Variants in P2RX5 observed in about 807,000 individuals in gnomAD.
The protein encoded by P2RX5 is P2X purinoceptor 5.
Under a neutral mutation model 54.1 loss-of-function variants are expected in P2RX5, and 46 were observed. That is an observed-to-expected ratio of 0.85 (90% confidence interval 0.67 to 1.09). The LOEUF (loss-of-function observed/expected upper bound fraction) is 1.09, where lower values mean the gene tolerates loss of function less well. Among genes scored for constraint, P2RX5 ranks in the 50% least tolerant of loss-of-function variants. The pLI, the probability that P2RX5 is intolerant of heterozygous loss-of-function variation, is 0.00. For missense variants in P2RX5, 566 were observed against 549.8 expected (o/e 1.03, Z -0.29); for synonymous variants, 226 against 226.4 (o/e 1.00, Z 0.02).
chr17:3,688,159 A>G, intron 8 of P2RX5, 54 bp from the exon 9 acceptor site: 1 of 950,886 alleles, frequency 1.1e-6, no homozygotes, highest in Non-Finnish European at 1.7e-6. Context: ...TTCCCTCTTT[A>G]GGCAGCACTG....
chr17:3,708,624 C>T, the P2RX5 span, among the ~76,000 whole-genome samples: 1 of 152,186 alleles, frequency 6.6e-6, no homozygotes, highest in Non-Finnish European at 1.5e-5. Flanking sequence ...GTGGTCCGGT[C>T]TTTCTGGAAA....
At chr17:3,681,031 GTCCTCCACCCAGCGTCCTCCACCCTGCA>G (rs1434446888) in intron 10 of P2RX5, among the ~76,000 whole-genome samples, 115 of 107,770 alleles carry the variant, frequency 1.1e-3, no homozygotes, top group South Asian at 7.6e-3. Context: ...TCCACCCTGC[GTCCTCCACCCAGCGTCCTCCACCCTGCA>G]TCCTCCACCC....
intron 9 of P2RX5, among the ~76,000 whole-genome samples, chr17:3,685,144 C>G (rs2050404955): frequency 6.6e-6 from 1 of 152,154 alleles, no homozygotes; most frequent in African/African-American, 2.4e-5. Context: ...TGCGCCCGGC[C>G]TAATCCTGCC....
the P2RX5 span, among the ~76,000 whole-genome samples, chr17:3,719,249 AAAAAAAAG>A: frequency 1.6e-4 from 24 of 146,282 alleles, no homozygotes; most frequent in African/African-American, 5.8e-4. Flanking sequence ...AAAAAAAAAA[AAAAAAAAG>A]AAAAGAAAAG....
the P2RX5 span, among the ~76,000 whole-genome samples, chr17:3,705,185 A>G: frequency 6.6e-6 from 1 of 152,130 alleles, no homozygotes; most frequent in Non-Finnish European, 1.5e-5. Context: ...TCCACTCCCA[A>G]GTTCCAGGAC....
the P2RX5 span, among the ~76,000 whole-genome samples, chr17:3,711,679 C>T: frequency 1.3e-5 from 2 of 151,166 alleles, no homozygotes; most frequent in Admixed American, 6.6e-5. Flanking sequence ...CCACTGCGCC[C>T]GGCCTCATTA....
intron 1 of P2RX5, among the ~76,000 whole-genome samples, chr17:3,694,398 G>C (rs1282566333): frequency 6.6e-6 from 1 of 152,050 alleles, no homozygotes; most frequent in Non-Finnish European, 1.5e-5. Flanking sequence ...TAGAAACAGG[G>C]TTTCTCCATG....
chr17:3,692,669 C>A (rs2050650740), intron 1 of P2RX5, among the ~76,000 whole-genome samples: 1 of 151,972 alleles, frequency 6.6e-6, no homozygotes, highest in South Asian at 2.1e-4. Flanking sequence ...CAGTGAGACC[C>A]CATCTCTATG....
rs1180606844 is a variant in P2RX5, at chr17:3,689,562, TA to T, written c.682del (p.Tyr228ThrfsTer10). On this transcript the variant is annotated frameshift_variant, in exon 7 of 12. Transcript: ENST00000225328. LOFTEE classifies it high-confidence loss of function. ...GGAGCCCAGTCGGAAGATGGGGCAG[TA>T]GTGGTTCTTGGGGCCAAAGTGGCAT... ...KSCHFGPKNH[Y>X]CPIFRLGSVI... is the part of the protein sequence containing the mutation. 6.2e-7 allele frequency: 1 copy of T among 1,614,128 alleles called. No homozygotes were observed. The highest frequency in any genetic ancestry group is 1.1e-5 in the South Asian group (1 of 91,080).
chr17:3,697,772 C>A (rs949414384), upstream of P2RX5, among the ~76,000 whole-genome samples: 3 of 152,320 alleles, frequency 2.0e-5, no homozygotes, highest in Non-Finnish European at 4.4e-5. Context: ...AACTCAACTG[C>A]CATTTCTTCA....
chr17:3,675,851 T>C, intron 11 of P2RX5: 1 of 985,232 alleles, frequency 1.0e-6, no homozygotes, highest in Non-Finnish European at 1.2e-6. Context: ...GCGCCCAGCC[T>C]GGATCTTTAC....
At chr17:3,699,052 G>GACAGACACACACACACACAC (rs1555571232), upstream of P2RX5, among the ~76,000 whole-genome samples, 1 of 40,848 alleles carries the variant, frequency 2.4e-5, no homozygotes, top group African/African-American at 4.8e-5. Context: ...TATATAGACA[G>GACAGACACACACACACACAC]ACACACACAC....
rs2050035830 is a variant in P2RX5 at position 3,673,781 on chromosome 17, C to T, written c.*87G>A. On this transcript the variant is annotated 3_prime_UTR_variant, in exon 12 of 12. Transcript: ENST00000225328. ...CCCAATGTACAAATTTCCCGTTGGGCAGCATCCTGGGATTCCCAAAGGCAT... is the reference window on the plus strand; with the variant it reads ...CCCAATGTACAAATTTCCCGTTGGGTAGCATCCTGGGATTCCCAAAGGCAT... The T allele has an allele frequency of 1.2e-6, 2 of 1,611,770 alleles. No individual in the cohort carries two copies. Among genetic ancestry groups the T allele is most frequent in the Non-Finnish European group, 1.7e-6 (2 of 1,179,800 alleles).
At chr17:3,713,681 C>T in the P2RX5 span, among the ~76,000 whole-genome samples, 8 of 150,352 alleles carry the variant, frequency 5.3e-5, no homozygotes, top group African/African-American at 7.3e-5. Context: ...ACCCGGGAGG[C>T]GGAGGTTGCG....
intron 9 of P2RX5, among the ~76,000 whole-genome samples, chr17:3,683,576 G>A (rs4506935): frequency 1.3e-5 from 2 of 152,010 alleles, no homozygotes; most frequent in Non-Finnish European, 2.9e-5. Flanking sequence ...ACAAAAATAC[G>A]AAAATTAACC....
At chr17:3,684,841 T>TCC (rs1567733727) in intron 9 of P2RX5, among the ~76,000 whole-genome samples, 10 of 134,644 alleles carry the variant, frequency 7.4e-5, no homozygotes, top group African/African-American at 1.1e-4. Flanking sequence ...CCCCCTTTTT[T>TCC]TTTTTTTTTT....
At chr17:3,716,818 C>A in the P2RX5 span, 246 of 1,355,152 alleles carry the variant, frequency 1.8e-4, no homozygotes, top group Non-Finnish European at 2.4e-4. Flanking sequence ...ACAAAGAGAT[C>A]GCCCAATAAA....
Position 3,690,653 on chromosome 17 carries a change from A to G in P2RX5, c.388T>C (p.Ser130Pro), listed in dbSNP as rs868207687. Reference protein sequence around the residue: ...ENEGIPDGACSKDSDCHAGEA... With the variant: ...ENEGIPDGACPKDSDCHAGEA... ...CCAGCGTGGCAGTCGCTGTCCTTGG[A>G]GCACGCGCCATCAGGAATGCCTTCA... is the stretch of plus-strand genomic sequence containing the variant. Residue 130 changes from serine (S) to proline (P), a missense_variant, in exon 4 of 12, where the codon TCC (serine) becomes CCC (proline). By Grantham distance (74) the Ser-to-Pro change is moderately conservative. Coordinates refer to ENST00000225328, the MANE Select transcript of P2RX5 (RefSeq NM_002561.4). The G allele has an allele frequency of 6.2e-7, 1 of 1,613,314 alleles. No homozygotes were observed. The highest frequency in any genetic ancestry group is 8.5e-7 in the Non-Finnish European group (1 of 1,180,000).
intron 10 of P2RX5, 108 bp from the exon 11 acceptor site, chr17:3,679,892 T>G (rs563801311): frequency 2.3e-5 from 22 of 939,310 alleles, no homozygotes; most frequent in Non-Finnish European, 3.5e-5. Flanking sequence ...GCCGCCACCC[T>G]GCTTCCTCCA....
Sources: gnomAD v4.1 joint callset for allele counts (sites outside exome capture counted in the v4.1 genomes callset) on GRCh38, gnomAD v4.1.1 for gene constraint, MANE v1.5 for transcripts, NCBI Gene and HGNC (gene_info 2026-07-23, HGNC 2026-07-21) for gene names.